The following THSD7A variants were observed in gnomAD, a reference collection of about 807,000 sequenced individuals.
The protein encoded by THSD7A is thrombospondin type 1 domain containing 7A.
THSD7A carries 96 observed loss-of-function variants against 231.3 expected under a neutral mutation model. That is an observed-to-expected ratio of 0.41 (90% CI 0.35 to 0.49). The LOEUF (loss-of-function observed/expected upper bound fraction) is 0.49, where lower values mean the gene tolerates loss of function less well. Among genes scored for constraint, THSD7A ranks in the 20% least tolerant of loss-of-function variants. The pLI is 0.05. For synonymous variants in THSD7A, 940 were observed against 743.3 expected (o/e 1.26, Z -4.30); for missense variants, 2,290 against 2,070.2 (o/e 1.11, Z -2.06).
intron 1 of THSD7A, among the ~76,000 whole-genome samples, chr7:11,770,050 T>C (rs1381317019): frequency 6.6e-6 from 1 of 152,152 alleles, no homozygotes; most frequent in Non-Finnish European, 1.5e-5. Flanking sequence ...CACATGTTCA[T>C]TATTTTACCT....
At chr7:11,608,310 GGTAACCAAAAGAT>G (rs1268877318) in intron 2 of THSD7A, among the ~76,000 whole-genome samples, 5 of 152,028 alleles carry the variant, frequency 3.3e-5, no homozygotes, top group Admixed American at 3.3e-4. Flanking sequence ...GATTAGGAAA[GGTAACCAAAAGAT>G]GTTTTAGATA....
At chr7:11,756,902 T>C (rs979379343) in intron 1 of THSD7A, among the ~76,000 whole-genome samples, 1 of 152,066 alleles carries the variant, frequency 6.6e-6, no homozygotes, top group Admixed American at 6.6e-5. Context: ...TTTGAGATTA[T>C]TTTTAAGGAA....
intron 1 of THSD7A, among the ~76,000 whole-genome samples, chr7:11,657,871 G>T (rs898898651): frequency 6.6e-6 from 1 of 151,704 alleles, no homozygotes; most frequent in Non-Finnish European, 1.5e-5. Flanking sequence ...GCTGTTTCTA[G>T]AAGTACTCAA....
At chr7:11,484,589 C>A (rs1786568800) in intron 6 of THSD7A, among the ~76,000 whole-genome samples, 1 of 152,106 alleles carries the variant, frequency 6.6e-6, no homozygotes, top group Non-Finnish European at 1.5e-5. Flanking sequence ...AGGGTGTTAT[C>A]CGTATCTGTC....
chr7:11,412,898 C>T (rs976984636), intron 17 of THSD7A, 98 bp from the exon 18 acceptor site: 2 of 1,378,664 alleles, frequency 1.5e-6, no homozygotes, highest in African/African-American at 1.4e-5. Context: ...AACATTTGGG[C>T]CACTGGCTAA....
chr7:11,738,751 G>A (rs1481722305), intron 1 of THSD7A, among the ~76,000 whole-genome samples: 2 of 152,052 alleles, frequency 1.3e-5, no homozygotes, highest in Admixed American at 1.3e-4. Context: ...TGGAAGAAAA[G>A]GCCACTAAAC....
chr7:11,525,288 AAAT>A (rs1198498597), intron 6 of THSD7A, among the ~76,000 whole-genome samples: 1 of 152,162 alleles, frequency 6.6e-6, no homozygotes, highest in Non-Finnish European at 1.5e-5. Flanking sequence ...CCCTGCCAAG[AAAT>A]ATTATAAATG....
intron 13 of THSD7A, among the ~76,000 whole-genome samples, chr7:11,438,874 C>G (rs1748008376): frequency 1.3e-5 from 2 of 151,874 alleles, no homozygotes; most frequent in South Asian, 2.1e-4. Context: ...AACCTAGAAC[C>G]CTCTTATTTC....
intron 5 of THSD7A, among the ~76,000 whole-genome samples, chr7:11,541,941 A>AAG (rs141630572): frequency 0.28 from 34,457 of 123,028 alleles, 4,431 homozygotes; most frequent in Admixed American, 0.48. Context: ...GTAGGGTGGG[A>AAG]ACAGAGAGAG....
intron 1 of THSD7A, among the ~76,000 whole-genome samples, chr7:11,709,117 A>G (rs1322293413): frequency 6.6e-6 from 1 of 150,784 alleles, no homozygotes; most frequent in Non-Finnish European, 1.5e-5. Flanking sequence ...AATCTGAGCT[A>G]AGCTATGAAC....
At chr7:11,558,635 T>G (rs1789947428) in intron 4 of THSD7A, among the ~76,000 whole-genome samples, 1 of 152,268 alleles carries the variant, frequency 6.6e-6, no homozygotes, top group South Asian at 2.1e-4. Flanking sequence ...TCTAAAGAAC[T>G]TATGTCTCAT....
At chr7:11,510,499 G>C (rs1174265471) in intron 6 of THSD7A, among the ~76,000 whole-genome samples, 1 of 152,106 alleles carries the variant, frequency 6.6e-6, no homozygotes, top group Non-Finnish European at 1.5e-5. Context: ...CAATATCACT[G>C]AGGAACATCG....
chr7:11,665,732 A>G (rs114362109), intron 1 of THSD7A, among the ~76,000 whole-genome samples: 2,594 of 152,208 alleles, frequency 0.017, 79 homozygotes, highest in African/African-American at 0.06. Context: ...TTTAGCTGCA[A>G]AAACAGATCC....
intron 1 of THSD7A, among the ~76,000 whole-genome samples, chr7:11,667,071 A>G (rs948110057): frequency 8.6e-5 from 13 of 152,022 alleles, no homozygotes; most frequent in Non-Finnish European, 1.6e-4. Flanking sequence ...TTTTATTTCA[A>G]TAGTTTTGGG....
At chr7:11,519,683 T>A (rs1048955940) in intron 6 of THSD7A, among the ~76,000 whole-genome samples, 1 of 152,212 alleles carries the variant, frequency 6.6e-6, no homozygotes, top group Non-Finnish European at 1.5e-5. Context: ...TTAGGATGTC[T>A]CTTTGGAAAA....
intron 11 of THSD7A, among the ~76,000 whole-genome samples, chr7:11,449,986 A>T (rs1268694338): frequency 6.6e-6 from 1 of 152,102 alleles, no homozygotes. Context: ...AAAAATTACC[A>T]AACTAAATTT....
intron 2 of THSD7A, among the ~76,000 whole-genome samples, chr7:11,594,059 G>C (rs1780269761): frequency 6.6e-6 from 1 of 152,122 alleles, no homozygotes; most frequent in African/African-American, 2.4e-5. Context: ...CTAATCAGCT[G>C]CCAATGCGGC....
intron 23 of THSD7A, among the ~76,000 whole-genome samples, chr7:11,390,722 C>T (rs1246315451): frequency 3.3e-5 from 5 of 152,204 alleles, no homozygotes; most frequent in South Asian, 2.1e-4. Flanking sequence ...TCCCCATCTT[C>T]GTGGATTTAT....
chr7:11,673,197 C>T (rs927515955), intron 1 of THSD7A, among the ~76,000 whole-genome samples: 7 of 151,966 alleles, frequency 4.6e-5, no homozygotes, highest in African/African-American at 9.7e-5. Flanking sequence ...CCAGATTGGA[C>T]GTAAGGAAGA....
Sources: gnomAD v4.1 joint callset for allele counts (sites outside exome capture counted in the v4.1 genomes callset) on GRCh38, gnomAD v4.1.1 for gene constraint, MANE v1.5 for transcripts, NCBI Gene and HGNC (gene_info 2026-07-23, HGNC 2026-07-21) for gene names.